ECT2L: variants seen among roughly 807,000 people sequenced by gnomAD.
The protein encoded by ECT2L is epithelial cell-transforming sequence 2 oncogene-like.
In ECT2L, 126 loss-of-function variants were observed where a neutral mutation model predicts 122.8. That is an observed-to-expected ratio of 1.03 (90% confidence interval 0.89 to 1.19). The LOEUF (loss-of-function observed/expected upper bound fraction) is 1.19, where lower values mean the gene tolerates loss of function less well. Ranked by LOEUF, ECT2L falls within the 50% of genes most tolerant of loss-of-function variation. The probability of loss-of-function intolerance (pLI) is 0.00; values close to 1 mark genes in which losing one functional copy is unlikely to be tolerated. For synonymous variants in ECT2L, 385 were observed against 381.8 expected, an observed-to-expected ratio of 1.01 and a Z score of -0.10; for missense variants, 1,012 against 1,064.1, an observed-to-expected ratio of 0.95 and a Z score of 0.68.
chr6:138,834,238 C>A (rs1214344139), intron 4 of ECT2L, among the ~76,000 whole-genome samples: 2 of 152,164 alleles, frequency 1.3e-5, no homozygotes, highest in Non-Finnish European at 2.9e-5. Flanking sequence ...GTTGTTATTT[C>A]TCTTCACAGA....
rs146692472 is a variant in ECT2L, at chr6:138,900,870, T to C, written c.2415-78T>C. 1,508 of 1,459,736 alleles carry C rather than the reference T, an allele frequency of 1.0e-3. 23 individuals carry two copies. The East Asian group carries it at 0.028, about 27-fold the overall frequency. The allele number at this position is 1,459,736 out of a possible 1,614,324, so 90.4% of individuals were successfully genotyped here. On this transcript the variant is annotated intron_variant, in intron 20 of 21. Coordinates refer to ENST00000541398, the MANE Select transcript of ECT2L (RefSeq NM_001077706.3). ...GGTAAAAGCCTTGACTAGTGACTTA[T>C]CAATTTCAAGATGCTTAACTATGTA...
intron 1 of ECT2L, among the ~76,000 whole-genome samples, chr6:138,807,030 A>C (rs1200302343): frequency 6.6e-6 from 1 of 152,192 alleles, no homozygotes; most frequent in Non-Finnish European, 1.5e-5. Context: ...GGATCATGAC[A>C]AAGGTCTTTA....
chr6:138,831,158 A>G (rs988477307), intron 4 of ECT2L, among the ~76,000 whole-genome samples: 10 of 152,092 alleles, frequency 6.6e-5, no homozygotes, highest in African/African-American at 2.4e-4. Flanking sequence ...CATGTGTTCA[A>G]TTTTCTACAT....
chr6:138,851,545 GT>G (rs926469814), intron 9 of ECT2L, among the ~76,000 whole-genome samples: 1 of 140,376 alleles, frequency 7.1e-6, no homozygotes, highest in African/African-American at 2.7e-5. Flanking sequence ...TCTCATTGTG[GT>G]TTTGATTTGC....
chr6:138,893,202 T>C (rs963431767), intron 20 of ECT2L, among the ~76,000 whole-genome samples: 15 of 150,908 alleles, frequency 9.9e-5, no homozygotes, highest in Admixed American at 2.0e-4. Context: ...TTTGTTTTTT[T>C]TTCCCCACCT....
chr6:138,850,777 G>T (rs1777408840), intron 9 of ECT2L, among the ~76,000 whole-genome samples: 1 of 152,082 alleles, frequency 6.6e-6, no homozygotes, highest in Middle Eastern at 3.4e-3. Flanking sequence ...TGAGGCAGGT[G>T]GATCATCCGA....
chr6:138,872,438 A>G (rs370274851), intron 13 of ECT2L, among the ~76,000 whole-genome samples: 1 of 152,204 alleles, frequency 6.6e-6, no homozygotes, highest in African/African-American at 2.4e-5. Context: ...ACCTGTTAAC[A>G]GAACGCACGG....
At chr6:138,880,302 G>T (rs1046279703) in intron 14 of ECT2L, among the ~76,000 whole-genome samples, 1 of 152,176 alleles carries the variant, frequency 6.6e-6, no homozygotes, top group Non-Finnish European at 1.5e-5. Flanking sequence ...CTCTTGGAGT[G>T]CTCACATGGT....
At chr6:138,853,714 A>C (rs528724355) in intron 9 of ECT2L, among the ~76,000 whole-genome samples, 1 of 152,282 alleles carries the variant, frequency 6.6e-6, no homozygotes, top group South Asian at 2.1e-4. Context: ...TTGGTTGCAA[A>C]ATCCCAGGAC....
chr6:138,858,697 CTTTTTTTTT>C (rs35946003), intron 10 of ECT2L, among the ~76,000 whole-genome samples: 4 of 59,324 alleles, frequency 6.7e-5, no homozygotes, highest in Non-Finnish European at 8.7e-5. Flanking sequence ...TAGAATTTTC[CTTTTTTTTT>C]TTTTTTTTTT....
chr6:138,804,476 T>C (rs1775648114), intron 1 of ECT2L, among the ~76,000 whole-genome samples: 1 of 152,164 alleles, frequency 6.6e-6, no homozygotes, highest in Non-Finnish European at 1.5e-5. Flanking sequence ...AGCTTTATAG[T>C]AAGTCTTGGT....
chr6:138,893,128 T>C (rs1370453743), intron 20 of ECT2L, among the ~76,000 whole-genome samples: 4 of 152,126 alleles, frequency 2.6e-5, no homozygotes, highest in African/African-American at 4.8e-5. Context: ...TTTGAGTCTG[T>C]TACTTCTGGA....
chr6:138,869,144 G>A (rs1003545851), intron 13 of ECT2L, among the ~76,000 whole-genome samples: 12 of 152,182 alleles, frequency 7.9e-5, no homozygotes, highest in Non-Finnish European at 1.8e-4. Context: ...TCCAGCCTGG[G>A]TGACAAAGCA....
At position 138,885,548 on chromosome 6, in the gene ECT2L, CATG is replaced by C. The variant is rs1778790216; in HGVS notation, c.2074_2076del (p.Asp692del). 6.8e-6 allele frequency: 11 copies of C among 1,614,038 alleles called. No individual in the cohort carries two copies. The highest frequency in any genetic ancestry group is 1.1e-5 in the South Asian group (1 of 91,080). ...AGCATTCCGAACTTTCCTGAAGAGG[CATG>C]ATAAGACCATTGTTACCAAAATGCT... On this transcript the variant is annotated inframe_deletion, in exon 17 of 22. Transcript: ENST00000541398.
intron 14 of ECT2L, among the ~76,000 whole-genome samples, chr6:138,878,306 T>C (rs202129788): frequency 3.0e-4 from 45 of 150,330 alleles, no homozygotes; most frequent in East Asian, 1.6e-3. Flanking sequence ...CATATATATA[T>C]ACACACACAC....
intron 10 of ECT2L, among the ~76,000 whole-genome samples, 162 bp from the exon 11 acceptor site, chr6:138,862,465 T>A (rs1205961111): frequency 1.3e-5 from 2 of 152,134 alleles, no homozygotes; most frequent in Non-Finnish European, 2.9e-5. Context: ...GCACTAGTTA[T>A]TCATGAGGGA....
At chr6:138,798,032 A>G (rs1268832903) in intron 1 of ECT2L, among the ~76,000 whole-genome samples, 1 of 152,224 alleles carries the variant, frequency 6.6e-6, no homozygotes, top group African/African-American at 2.4e-5. Context: ...CCCATTTATT[A>G]TAAAGGATAT....
chr6:138,846,743 G>C (rs1290152467), intron 8 of ECT2L, 66 bp downstream of exon 8: 48 of 1,367,508 alleles, frequency 3.5e-5, no homozygotes, highest in Non-Finnish European at 4.5e-5. Context: ...TTTTCATCTA[G>C]ACTAGAGGGT....
intron 13 of ECT2L, 77 bp from the exon 14 acceptor site, chr6:138,876,395 C>T (rs1778453327): frequency 1.0e-6 from 1 of 970,346 alleles, no homozygotes; most frequent in South Asian, 1.5e-5. Flanking sequence ...TTCTGAGGGC[C>T]TCCTGCGGGC....
Sources: gnomAD v4.1 joint callset for allele counts (sites outside exome capture counted in the v4.1 genomes callset) on GRCh38, gnomAD v4.1.1 for gene constraint, MANE v1.5 for transcripts, NCBI Gene and HGNC (gene_info 2026-07-23, HGNC 2026-07-21) for gene names.